Variants in GSE1 observed in about 807,000 individuals in gnomAD.
The protein encoded by GSE1 is Gse1 coiled-coil protein.
A neutral mutation model predicts 112.6 loss-of-function variants in GSE1; 32 were observed. That is an observed-to-expected ratio of 0.28 (90% confidence interval 0.21 to 0.38). The LOEUF (loss-of-function observed/expected upper bound fraction) is 0.38, where lower values mean the gene tolerates loss of function less well. GSE1 is among the 10% of genes least tolerant of loss of function. The pLI is 1.00. For missense variants in GSE1, 2,348 were observed against 1,699.2 expected (o/e 1.38, Z -6.71); for synonymous variants, 1,115 against 735.6 (o/e 1.52, Z -8.35).
chr16:85,256,534 T>C (rs778268175), intron 1 of GSE1, among the ~76,000 whole-genome samples: 1 of 152,208 alleles, frequency 6.6e-6, no homozygotes, highest in Non-Finnish European at 1.5e-5. Context: ...CCAGGCACGT[T>C]CCTTGGCGAA....
intron 1 of GSE1, among the ~76,000 whole-genome samples, chr16:85,633,396 G>A (rs370281876): frequency 3.3e-5 from 5 of 152,188 alleles, no homozygotes; most frequent in South Asian, 2.1e-4. Flanking sequence ...CAGAACTCCC[G>A]CCAGTCTTCT....
chr16:85,371,337 G>C (rs1443197095), intron 2 of GSE1, among the ~76,000 whole-genome samples: 1 of 152,198 alleles, frequency 6.6e-6, no homozygotes, highest in African/African-American at 2.4e-5. Flanking sequence ...GTGGGTCTTG[G>C]GACAGTGCCC....
At chr16:85,303,602 C>CT (rs1367216557) in intron 1 of GSE1, among the ~76,000 whole-genome samples, 4 of 152,244 alleles carry the variant, frequency 2.6e-5, no homozygotes, top group Non-Finnish European at 5.9e-5. Context: ...GACAGGAAGA[C>CT]TGAGTCTCAG....
chr16:85,222,297 C>T (rs2075407806), intron 1 of GSE1, among the ~76,000 whole-genome samples: 2 of 152,202 alleles, frequency 1.3e-5, no homozygotes, highest in South Asian at 2.1e-4. Context: ...GCCCAGGTCC[C>T]GGGCTGGGGC....
chr16:85,343,499 A>C (rs56282837), intron 1 of GSE1, among the ~76,000 whole-genome samples: 32,727 of 152,148 alleles, frequency 0.22, 3,735 homozygotes, highest in East Asian at 0.38. Flanking sequence ...CTGTAATCCT[A>C]GAATTTTGGG....
At chr16:85,200,214 G>C (rs1453155329) in intron 1 of GSE1, among the ~76,000 whole-genome samples, 1 of 152,108 alleles carries the variant, frequency 6.6e-6, no homozygotes, top group Non-Finnish European at 1.5e-5. Flanking sequence ...TTGGGGCCCA[G>C]TTTTATATCT....
chr16:85,335,758 G>A (rs1291205095), intron 1 of GSE1, among the ~76,000 whole-genome samples: 5 of 152,222 alleles, frequency 3.3e-5, no homozygotes, highest in Non-Finnish European at 7.3e-5. Context: ...AGGGAGCCAT[G>A]TCCATTTCGG....
At chr16:85,609,635 A>C (rs925985808), upstream of GSE1, among the ~76,000 whole-genome samples, 1 of 151,552 alleles carries the variant, frequency 6.6e-6, no homozygotes, top group African/African-American at 2.4e-5. Flanking sequence ...TCTCATGTTC[A>C]TCTGAGATGG....
chr16:85,666,073 G>A lies in GSE1; in HGVS notation c.2856G>A (p.Leu952=). ...DIPKAAEPGK[L]EQVRPQELSR... is the part of the protein sequence containing the mutation. ...CAAAGGCCGCGGAGCCTGGGAAGCTGGAACAGGTCCGGCCCCAGGAGCTGT... is the reference window on the plus strand; with the variant it reads ...CAAAGGCCGCGGAGCCTGGGAAGCTAGAACAGGTCCGGCCCCAGGAGCTGT... Residue 952 remains leucine (L), a synonymous_variant, in exon 13 of 16, where the codon CTG becomes CTA. Coordinates refer to ENST00000253458, the MANE Select transcript of GSE1 (RefSeq NM_014615.5). 1.2e-6 allele frequency: 2 copies of A among 1,613,392 alleles called. No homozygotes were observed. Among genetic ancestry groups the A allele is most frequent in the South Asian group, 1.1e-5 (1 of 91,086 alleles).
intron 1 of GSE1, among the ~76,000 whole-genome samples, chr16:85,310,444 C>A (rs1386420382): frequency 6.6e-6 from 1 of 152,118 alleles, no homozygotes; most frequent in Non-Finnish European, 1.5e-5. Context: ...TGGCTCTGAT[C>A]AGCGGTTCCT....
intron 1 of GSE1, among the ~76,000 whole-genome samples, chr16:85,616,291 G>A (rs1199280920): frequency 2.0e-5 from 3 of 152,242 alleles, no homozygotes; most frequent in Non-Finnish European, 2.9e-5. Context: ...CCGAGCTGAG[G>A]GGCAGGAGCT....
At chr16:85,183,711 G>A (rs760486711) in intron 1 of GSE1, among the ~76,000 whole-genome samples, 5 of 152,218 alleles carry the variant, frequency 3.3e-5, no homozygotes, top group South Asian at 2.1e-4. Context: ...GCTCACCTAC[G>A]TGGATGCCCC....
intron 2 of GSE1, among the ~76,000 whole-genome samples, chr16:85,394,126 G>A (rs1015575662): frequency 1.3e-5 from 2 of 152,088 alleles, no homozygotes; most frequent in African/African-American, 2.4e-5. Flanking sequence ...TCGGGCTGTC[G>A]GGGACCGGGG....
At chr16:85,173,425 T>C (rs1597714158) in intron 1 of GSE1, among the ~76,000 whole-genome samples, 2 of 152,202 alleles carry the variant, frequency 1.3e-5, no homozygotes, top group Non-Finnish European at 2.9e-5. Flanking sequence ...GAGAGTTCAA[T>C]GGATTGGGGG....
chr16:85,468,916 A>G (rs914804438), intron 2 of GSE1, among the ~76,000 whole-genome samples: 3 of 152,228 alleles, frequency 2.0e-5, no homozygotes, highest in Non-Finnish European at 4.4e-5. Flanking sequence ...GTTTCTTTGC[A>G]GGTGTAATTA....
At chr16:85,369,345 T>C (rs926043650) in intron 2 of GSE1, among the ~76,000 whole-genome samples, 1 of 152,070 alleles carries the variant, frequency 6.6e-6, no homozygotes, top group Non-Finnish European at 1.5e-5. Flanking sequence ...GCCTCCCAAG[T>C]AGCTGGGATT....
intron 1 of GSE1, among the ~76,000 whole-genome samples, chr16:85,349,049 G>A (rs1446851598): frequency 6.6e-6 from 1 of 152,164 alleles, no homozygotes; most frequent in Admixed American, 6.5e-5. Flanking sequence ...TCTCCCGCGC[G>A]ATCTGCCGTG....
At chr16:85,181,593 T>G (rs530587058) in intron 1 of GSE1, among the ~76,000 whole-genome samples, 1 of 152,344 alleles carries the variant, frequency 6.6e-6, no homozygotes, top group African/African-American at 2.4e-5. Flanking sequence ...GGCTGACCGC[T>G]GCTGCGGCGT....
At chr16:85,557,902 G>C (rs774405827) in intron 1 of GSE1, among the ~76,000 whole-genome samples, 2 of 151,668 alleles carry the variant, frequency 1.3e-5, no homozygotes, top group East Asian at 3.9e-4. Context: ...TTCTTGGTGT[G>C]TATGCCGTTT....
Sources: gnomAD v4.1 joint callset for allele counts (sites outside exome capture counted in the v4.1 genomes callset) on GRCh38, gnomAD v4.1.1 for gene constraint, MANE v1.5 for transcripts, NCBI Gene and HGNC (gene_info 2026-07-23, HGNC 2026-07-21) for gene names.